Variants in RUFY2 observed in about 807,000 individuals in gnomAD.
RUFY2 encodes RUN and FYVE domain containing 2.
A neutral mutation model predicts 94.4 loss-of-function variants in RUFY2; 49 were observed. The observed-to-expected ratio is 0.52, with a 90% CI of 0.41 to 0.66. The LOEUF (loss-of-function observed/expected upper bound fraction) is 0.66, where lower values mean the gene tolerates loss of function less well. Among genes scored for constraint, RUFY2 ranks in the 30% least tolerant of loss-of-function variants. The pLI, the probability that RUFY2 is intolerant of heterozygous loss-of-function variation, is 0.00. For synonymous variants in RUFY2, 255 were observed against 235.7 expected (o/e 1.08, Z -0.75); for missense variants, 541 against 692.8 (o/e 0.78, Z 2.46).
chr10:68,366,575 T>G (rs2047834521), intron 13 of RUFY2, among the ~76,000 whole-genome samples: 1 of 145,776 alleles, frequency 6.9e-6, no homozygotes, highest in Non-Finnish European at 1.5e-5. Context: ...AAACCCTGTC[T>G]CTACTAAAAA....
intron 14 of RUFY2, 61 bp from the exon 15 acceptor site, chr10:68,363,745 T>A (rs1014034153): frequency 9.2e-7 from 1 of 1,082,976 alleles, no homozygotes; most frequent in African/African-American, 1.6e-5. Flanking sequence ...AACTCCAGAT[T>A]GTACATATAC....
In RUFY2 at chr10:68,372,597, A is replaced by AG. The variant is rs1466175982; in HGVS notation, c.1325+4255_1325+4256insC. On this transcript the variant is annotated intron_variant, in intron 13 of 17. Transcript: ENST00000602465. ...CCCTCTCTCTTTAAAAAAAAAAAAAAAAAAAAAAGAGGCCAGGCACAGTGG... is the reference window on the plus strand; with the variant it reads ...CCCTCTCTCTTTAAAAAAAAAAAAAAGAAAAAAAAGAGGCCAGGCACAGTGG... Among the ~76,000 whole-genome samples, 4 of 150,376 alleles carry AG rather than the reference A, an allele frequency of 2.7e-5. No individual in the cohort carries two copies. In the East Asian group the frequency reaches 7.8e-4, roughly 29 times the overall value.
intron 11 of RUFY2, 36 bp from the exon 12 acceptor site, chr10:68,379,557 TTGTG>T (rs772173930): frequency 4.8e-6 from 7 of 1,470,762 alleles, no homozygotes; most frequent in Middle Eastern, 1.8e-4. Context: ...TGGTTTTGAT[TTGTG>T]TGTGTGTGTT....
intron 7 of RUFY2, among the ~76,000 whole-genome samples, chr10:68,391,529 T>G (rs1258622292): frequency 6.6e-6 from 1 of 151,522 alleles, no homozygotes; most frequent in East Asian, 1.9e-4. Context: ...ACACTTGTGG[T>G]CCCAGCTACT....
At position 68,376,878 on chromosome 10, in the gene RUFY2, G is replaced by A. The variant is rs950127401; in HGVS notation, c.1300C>T (p.Gln434Ter). ...AGCTGTTTCTCCTTTTGGGAGATTT[G>A]TTTCTGCAGACTATCAGATTTACTG... ...CLSKSDSLQK[Q>*]ISQKEKQLVQ... Residue 434 changes from glutamine (Q) to a stop codon, truncating the protein, a stop_gained, in exon 13 of 18, where the codon CAA (glutamine) becomes TAA (stop). Coordinates refer to ENST00000602465, the MANE Select transcript of RUFY2 (RefSeq NM_001330103.2). LOFTEE classifies it high-confidence loss of function. The A allele has an allele frequency of 1.2e-6, 2 of 1,613,704 alleles. No individual in the cohort carries two copies. The highest frequency in any genetic ancestry group is 1.3e-5 in the African/African-American group (1 of 74,952).
intron 7 of RUFY2, among the ~76,000 whole-genome samples, chr10:68,386,624 G>A (rs144108498): frequency 6.6e-6 from 1 of 152,234 alleles, no homozygotes; most frequent in Admixed American, 6.5e-5. Flanking sequence ...CTGGATTACA[G>A]GCGTGAGCAA....
At chr10:68,351,769 G>C (rs1427410426) in intron 16 of RUFY2, among the ~76,000 whole-genome samples, 1 of 149,914 alleles carries the variant, frequency 6.7e-6, no homozygotes, top group Non-Finnish European at 1.5e-5. Flanking sequence ...AAAAGTATGA[G>C]GATACGGCCT....
At chr10:68,349,932 T>TA (rs370819716) in intron 16 of RUFY2, among the ~76,000 whole-genome samples, 10 of 152,294 alleles carry the variant, frequency 6.6e-5, no homozygotes, top group African/African-American at 1.9e-4. Context: ...CACTGAATGT[T>TA]AAAAATATGC....
intron 16 of RUFY2, 44 bp downstream of exon 16, chr10:68,355,307 GGA>G (rs1266440802): frequency 7.2e-7 from 1 of 1,389,302 alleles, no homozygotes; most frequent in Non-Finnish European, 1.0e-6. Flanking sequence ...ACCTTCCATT[GGA>G]GACTTTCACA....
intron 14 of RUFY2, 65 bp from the exon 15 acceptor site, chr10:68,363,749 C>T: frequency 9.6e-7 from 1 of 1,046,614 alleles, no homozygotes; most frequent in Non-Finnish European, 1.4e-6. Flanking sequence ...CCAGATTGTA[C>T]ATATACCATT....
At chr10:68,387,119 G>A (rs1386027906) in intron 7 of RUFY2, among the ~76,000 whole-genome samples, 1 of 152,130 alleles carries the variant, frequency 6.6e-6, no homozygotes, top group African/African-American at 2.4e-5. Context: ...CACTTTGGGA[G>A]GCTGAGGCAG....
chr10:68,404,739 T>G lies in RUFY2; in HGVS notation c.110A>C (p.Asp37Ala). Residue 37 changes from aspartate to alanine, a missense_variant, in exon 2 of 18, where the codon GAT becomes GCT. Physicochemically the swap from Asp to Ala is moderately radical, Grantham distance 126. Around this residue, in one of 3 missense-constraint regions of RUFY2, gnomAD observed 53 missense variants for 58.6 expected, o/e 0.90. Transcript: ENST00000602465. The part of the protein sequence containing the change: ...ESALSFGRTL[D>A]SDYPPLQQFF... ...TTGCTGCAAGGGGGGATAGTCAGAA[T>G]CCAAAGTGCGGCCAAAGCTCAGAGC... 1 of 1,613,442 alleles carries G rather than the reference T, an allele frequency of 6.2e-7. No individual in the cohort carries two copies. Among genetic ancestry groups the G allele is most frequent in the Non-Finnish European group, 8.5e-7 (1 of 1,179,750 alleles).
chr10:68,384,431 A>G (rs2049326207), intron 8 of RUFY2, among the ~76,000 whole-genome samples: 2 of 152,240 alleles, frequency 1.3e-5, no homozygotes. Context: ...TAAACATATT[A>G]TGTTTACTGT....
chr10:68,374,392 T>A lies in RUFY2; in HGVS notation c.1325+2461A>T, dbSNP rs2048481225. ...CTATATTAATATCAGAAAAATTAACTTCAGAGCAAAAAAAAATTACCAAAG... is the reference window on the plus strand; with the variant it reads ...CTATATTAATATCAGAAAAATTAACATCAGAGCAAAAAAAAATTACCAAAG... On this transcript the variant is annotated intron_variant, in intron 13 of 17. Transcript: ENST00000602465. 1.3e-5 allele frequency among the ~76,000 whole-genome samples: 2 copies of A among 151,926 alleles called. 1 individual carries two copies. Among genetic ancestry groups the A allele is most frequent in the South Asian group, 4.1e-4 (2 of 4,826 alleles).
downstream of RUFY2, chr10:68,341,669 G>C: frequency 6.2e-7 from 1 of 1,612,410 alleles, no homozygotes; most frequent in Non-Finnish European, 8.5e-7. Flanking sequence ...GGCTACGGAA[G>C]AGATGGAATG....
intron 12 of RUFY2, chr10:68,377,961 A>G: frequency 1.0e-6 from 1 of 985,374 alleles, no homozygotes; most frequent in Non-Finnish European, 1.2e-6. Flanking sequence ...TCCAAATCCA[A>G]GTTTAAATTA....
intron 13 of RUFY2, among the ~76,000 whole-genome samples, chr10:68,368,956 C>T (rs909785912): frequency 1.3e-5 from 2 of 152,102 alleles, no homozygotes; most frequent in Admixed American, 1.3e-4. Flanking sequence ...AGAAAAAACC[C>T]ATGCCCCCGC....
chr10:68,392,648 C>T (rs1290542092), intron 7 of RUFY2, among the ~76,000 whole-genome samples: 1 of 151,640 alleles, frequency 6.6e-6, no homozygotes. Context: ...TCGGGCCAGG[C>T]GTGGTGGTTC....
At chr10:68,379,758 A>G (rs1190453025) in intron 11 of RUFY2, among the ~76,000 whole-genome samples, 1 of 152,060 alleles carries the variant, frequency 6.6e-6, no homozygotes, top group Non-Finnish European at 1.5e-5. Context: ...TGAAATGAAC[A>G]GAGTTACTTT....
Sources: gnomAD v4.1 joint callset for allele counts (sites outside exome capture counted in the v4.1 genomes callset) on GRCh38, gnomAD v4.1.1 for gene constraint, gnomAD v4.1.1 regional missense constraint, MANE v1.5 for transcripts, NCBI Gene and HGNC (gene_info 2026-07-23, HGNC 2026-07-21) for gene names.